The following PTPRR variants were observed in gnomAD, a reference collection of about 807,000 sequenced individuals.
PTPRR encodes protein tyrosine phosphatase receptor type R.
PTPRR carries 38 observed loss-of-function variants against 77.2 expected under a neutral mutation model. The ratio of observed to expected loss-of-function variants is 0.49; its 90% CI spans 0.38 to 0.65. PTPRR has a LOEUF of 0.65. Ranked by LOEUF, PTPRR falls within the 30% of genes least tolerant of loss-of-function variation. PTPRR has a pLI of 0.00. For synonymous variants in PTPRR, 299 were observed against 283.1 expected (o/e 1.06, Z -0.57); for missense variants, 744 against 799.2 (o/e 0.93, Z 0.83).
chr12:70,666,935 G>GTTTTTTTTTTTTTTT lies in PTPRR; in HGVS notation c.1498-4345_1498-4331dup, dbSNP rs142691396. On this transcript the variant is annotated intron_variant, in intron 10 of 13. Transcript: ENST00000283228. ...TTTTTGATTAACTGTGTGTTTTTCT[G>GTTTTTTTTTTTTTTT]TTTTTTTTTTTTTTTTTTTTTTTTT... Among the ~76,000 whole-genome samples the GTTTTTTTTTTTTTTT allele has an allele frequency of 5.9e-4, 17 of 29,052 alleles. 6 individuals are homozygous for GTTTTTTTTTTTTTTT. The highest frequency in any genetic ancestry group is 1.2e-3 in the Non-Finnish European group (13 of 10,902). The allele number at this position is 29,052 out of a possible 152,430, so 19.1% of individuals were successfully genotyped here.
At chr12:70,768,206 A>C (rs1292074368) in intron 2 of PTPRR, among the ~76,000 whole-genome samples, 5 of 152,190 alleles carry the variant, frequency 3.3e-5, no homozygotes, top group African/African-American at 1.2e-4. Flanking sequence ...AAACCCTTCA[A>C]AAAATTAATG....
chr12:70,734,003 T>C (rs967620087), intron 6 of PTPRR, among the ~76,000 whole-genome samples: 1 of 152,184 alleles, frequency 6.6e-6, no homozygotes, highest in Non-Finnish European at 1.5e-5. Flanking sequence ...CAAAAACTCC[T>C]AAGGCAAAAG....
chr12:70,920,237 G>T, intron 1 of PTPRR, 96 bp downstream of exon 1: 2 of 1,345,568 alleles, frequency 1.5e-6, no homozygotes, highest in Non-Finnish European at 2.1e-6. Flanking sequence ...TTTTAGAAAG[G>T]CTTTCTTCGC....
At chr12:70,871,701 C>T (rs539085661) in intron 2 of PTPRR, among the ~76,000 whole-genome samples, 15 of 152,086 alleles carry the variant, frequency 9.9e-5, no homozygotes, top group Non-Finnish European at 2.1e-4. Flanking sequence ...ACATGATACT[C>T]CAGAAATATA....
At chr12:70,878,943 TC>T in intron 2 of PTPRR, among the ~76,000 whole-genome samples, 1 of 152,282 alleles carries the variant, frequency 6.6e-6, no homozygotes, top group South Asian at 2.1e-4. Flanking sequence ...TGAGTTCATG[TC>T]CTTTGTAGGG....
intron 2 of PTPRR, among the ~76,000 whole-genome samples, chr12:70,768,442 T>A (rs1280919548): frequency 6.6e-6 from 1 of 152,198 alleles, no homozygotes; most frequent in African/African-American, 2.4e-5. Flanking sequence ...ACATGCACTT[T>A]CCCAAGACTA....
chr12:70,804,480 G>A (rs1300702669), intron 2 of PTPRR, among the ~76,000 whole-genome samples: 1 of 151,984 alleles, frequency 6.6e-6, no homozygotes, highest in African/African-American at 2.4e-5. Context: ...GATCACTTGA[G>A]CCTGGGAGGT....
At chr12:70,766,304 C>G (rs1255615244) in intron 2 of PTPRR, among the ~76,000 whole-genome samples, 1 of 152,096 alleles carries the variant, frequency 6.6e-6, no homozygotes, top group African/African-American at 2.4e-5. Flanking sequence ...ATAACCAATA[C>G]AGAGAAGTGC....
intron 1 of PTPRR, among the ~76,000 whole-genome samples, chr12:70,908,162 T>C (rs1221858887): frequency 6.6e-6 from 1 of 152,134 alleles, no homozygotes; most frequent in Non-Finnish European, 1.5e-5. Flanking sequence ...GTTTTAAGAA[T>C]AATTCTCATA....
intron 2 of PTPRR, among the ~76,000 whole-genome samples, chr12:70,771,093 A>G (rs59474063): frequency 0.1 from 15,176 of 151,144 alleles, 949 homozygotes; most frequent in African/African-American, 0.17. Context: ...AGCATGGCAC[A>G]TGTATACATA....
intron 2 of PTPRR, among the ~76,000 whole-genome samples, chr12:70,826,880 G>A (rs567949303): frequency 6.6e-6 from 1 of 152,158 alleles, no homozygotes; most frequent in South Asian, 2.1e-4. Context: ...TTTAATCACT[G>A]CCTCCCAGTG....
chr12:70,737,231 C>CG (rs1304653717), intron 6 of PTPRR, among the ~76,000 whole-genome samples: 2 of 152,102 alleles, frequency 1.3e-5, no homozygotes, highest in African/African-American at 4.8e-5. Flanking sequence ...GATCCCTGTG[C>CG]AATCAGGCTG....
chr12:70,681,925 G>A lies in PTPRR; in HGVS notation c.1497+2202C>T, dbSNP rs567460276. Among the ~76,000 whole-genome samples, 15 of 151,108 alleles carry A rather than the reference G, an allele frequency of 9.9e-5. No homozygotes were observed. The South Asian group carries it at 3.1e-3, about 32-fold the overall frequency. The stretch of plus-strand genomic sequence containing the variant: ...GATTTTTGAATTCTGTGATTTCTCA[G>A]CTTTAAATACTCAAGAGAGCCTTTT... On this transcript the variant is annotated intron_variant, in intron 10 of 13. Transcript: ENST00000283228.
rs1471273601 is a variant in PTPRR at position 70,843,689 on chromosome 12, T to C, written c.357+48990A>G. Among the ~76,000 whole-genome samples the C allele has an allele frequency of 7.9e-5, 12 of 152,302 alleles. No homozygotes were observed. The East Asian group carries it at 1.5e-3, about 20-fold the overall frequency. On this transcript the variant is annotated intron_variant, in intron 2 of 13. Coordinates refer to ENST00000283228, the MANE Select transcript of PTPRR (RefSeq NM_002849.4). Reference sequence around the variant, plus strand: ...TAATTATCTTTGTTATTGTAATTGATGTAATTTAAGAACTGTTATATAGAA... The same window carrying C: ...TAATTATCTTTGTTATTGTAATTGACGTAATTTAAGAACTGTTATATAGAA...
chr12:70,872,326 T>C lies in PTPRR; in HGVS notation c.357+20353A>G, dbSNP rs75416369. Among the ~76,000 whole-genome samples the C allele has an allele frequency of 5.0e-3, 762 of 152,202 alleles. 1 individual carries two copies. Among genetic ancestry groups the C allele is most frequent in the South Asian group, 0.013 (64 of 4,818 alleles). ...AATGGTCTTCCTGAGTTTGAGGCCT[T>C]GCATACAATATATTGCCCATATTAA... On this transcript the variant is annotated intron_variant, in intron 2 of 13. Transcript: ENST00000283228.
At chr12:70,837,302 G>C (rs1892321561) in intron 2 of PTPRR, among the ~76,000 whole-genome samples, 1 of 152,086 alleles carries the variant, frequency 6.6e-6, no homozygotes, top group Non-Finnish European at 1.5e-5. Context: ...ATCTGTAAGT[G>C]CTTTTCTATT....
At chr12:70,769,222 C>A (rs988991802) in intron 2 of PTPRR, among the ~76,000 whole-genome samples, 14 of 150,338 alleles carry the variant, frequency 9.3e-5, no homozygotes, top group African/African-American at 3.5e-4. Flanking sequence ...GTCAAATTGT[C>A]CCTGTTTGCA....
chr12:70,693,934 A>T (rs1046697437), intron 8 of PTPRR, among the ~76,000 whole-genome samples: 1 of 152,022 alleles, frequency 6.6e-6, no homozygotes, highest in African/African-American at 2.4e-5. Flanking sequence ...CTGAGGGCTT[A>T]CTATTAGTTG....
At chr12:70,795,843 G>A (rs1177520218) in intron 2 of PTPRR, among the ~76,000 whole-genome samples, 2 of 147,840 alleles carry the variant, frequency 1.4e-5, no homozygotes, top group African/African-American at 4.9e-5. Flanking sequence ...TTTTGAGGAA[G>A]GCAATTGCTA....
Sources: allele counts gnomAD v4.1 joint callset (sites outside exome capture counted in the v4.1 genomes callset), GRCh38; gene constraint gnomAD v4.1.1; transcripts MANE v1.5; gene names NCBI Gene and HGNC (gene_info 2026-07-23, HGNC 2026-07-21).